The following RFX7 variants were observed in gnomAD, a reference collection of about 807,000 sequenced individuals.
RFX7 encodes the protein DNA-binding protein RFX7.
RFX7 carries 26 observed loss-of-function variants against 111.8 expected under a neutral mutation model. The ratio of observed to expected loss-of-function variants is 0.23; its 90% confidence interval spans 0.17 to 0.32. RFX7 has a LOEUF of 0.32. Among genes scored for constraint, RFX7 ranks in the 10% least tolerant of loss-of-function variants. RFX7 has a pLI of 1.00. For synonymous variants in RFX7, 624 were observed against 624.4 expected (o/e 1.00, Z 0.01); for missense variants, 1,573 against 1,772.9 (o/e 0.89, Z 2.02).
chr15:56,124,320 G>A, intron 5 of RFX7, among the ~76,000 whole-genome samples: 1 of 152,038 alleles, frequency 6.6e-6, no homozygotes, highest in African/African-American at 2.4e-5. Context: ...TACTAGGGAG[G>A]CTGAGGCAGG....
chr15:56,230,514 CA>C (rs1443194618), intron 2 of RFX7, among the ~76,000 whole-genome samples: 2 of 151,952 alleles, frequency 1.3e-5, no homozygotes, highest in Non-Finnish European at 2.9e-5. Flanking sequence ...TTATCAAATA[CA>C]GAAACAATAT....
At chr15:56,154,475 C>T (rs764326734) in intron 3 of RFX7, among the ~76,000 whole-genome samples, 16 of 152,122 alleles carry the variant, frequency 1.1e-4, no homozygotes, top group Non-Finnish European at 1.8e-4. Flanking sequence ...GAAATAACTC[C>T]GCATATCTAC....
intron 5 of RFX7, among the ~76,000 whole-genome samples, chr15:56,137,011 C>A (rs532024691): frequency 6.6e-6 from 1 of 151,800 alleles, no homozygotes; most frequent in Non-Finnish European, 1.5e-5. Context: ...CTGCTGGATT[C>A]GTTTTGCCAG....
chr15:56,225,116 T>C (rs1268731403), intron 2 of RFX7, among the ~76,000 whole-genome samples: 1 of 152,182 alleles, frequency 6.6e-6, no homozygotes, highest in Non-Finnish European at 1.5e-5. Context: ...TTTTTACATT[T>C]GGAACTCAAG....
intron 3 of RFX7, among the ~76,000 whole-genome samples, chr15:56,159,102 T>G (rs767718833): frequency 3.9e-5 from 6 of 152,206 alleles, no homozygotes; most frequent in Non-Finnish European, 5.9e-5. Flanking sequence ...TTATTTGTCT[T>G]TCTGTGCCTG....
intron 3 of RFX7, among the ~76,000 whole-genome samples, chr15:56,162,890 T>C (rs978875098): frequency 1.3e-5 from 2 of 152,132 alleles, no homozygotes; most frequent in African/African-American, 4.8e-5. Flanking sequence ...GAAAAGTGCC[T>C]ATTTCTTCTC....
At chr15:56,100,700 A>G (rs534040247) in intron 8 of RFX7, among the ~76,000 whole-genome samples, 123 of 152,266 alleles carry the variant, frequency 8.1e-4, no homozygotes, top group African/African-American at 2.8e-3. Context: ...CTGAAATAAG[A>G]TATTTTTAAA....
chr15:56,177,700 CAA>C (rs2042917169), intron 3 of RFX7, among the ~76,000 whole-genome samples: 1 of 152,074 alleles, frequency 6.6e-6, no homozygotes, highest in Non-Finnish European at 1.5e-5. Context: ...TCAAGTATTG[CAA>C]AGAGAGTGGG....
chr15:56,127,688 C>A (rs2042162243), intron 5 of RFX7, among the ~76,000 whole-genome samples: 1 of 151,608 alleles, frequency 6.6e-6, no homozygotes, highest in Non-Finnish European at 1.5e-5. Context: ...GCTGGGACTA[C>A]AGGCGCGCGC....
intron 2 of RFX7, among the ~76,000 whole-genome samples, chr15:56,228,019 C>T (rs1391289713): frequency 2.6e-5 from 4 of 152,020 alleles, no homozygotes; most frequent in East Asian, 3.9e-4. Context: ...TCTTCAACAC[C>T]GATATTTCAC....
At chr15:56,132,493 G>C (rs768287494) in intron 5 of RFX7, among the ~76,000 whole-genome samples, 3 of 151,548 alleles carry the variant, frequency 2.0e-5, no homozygotes, top group Non-Finnish European at 4.4e-5. Context: ...TAACCATTTA[G>C]AAAAAATTAA....
At chr15:56,179,216 A>G in intron 3 of RFX7, 54 bp downstream of exon 3, 1 of 820,832 alleles carries the variant, frequency 1.2e-6, no homozygotes, top group East Asian at 6.2e-5. Context: ...TATATTTTAT[A>G]TCGTCATAAA....
intron 8 of RFX7, among the ~76,000 whole-genome samples, chr15:56,101,148 A>T (rs2041746683): frequency 6.6e-6 from 1 of 152,190 alleles, no homozygotes; most frequent in Non-Finnish European, 1.5e-5. Context: ...GCAAAGCAAT[A>T]TATAGAAACA....
chr15:56,108,885 C>A (rs2041866773), intron 5 of RFX7, among the ~76,000 whole-genome samples: 1 of 152,182 alleles, frequency 6.6e-6, no homozygotes, highest in African/African-American at 2.4e-5. Flanking sequence ...AAATCACAAG[C>A]ATTCCTATAC....
chr15:56,203,877 C>T lies in RFX7; in HGVS notation c.162-24574G>A, dbSNP rs574328123. Among the ~76,000 whole-genome samples, 8 of 152,298 alleles carry T rather than the reference C, an allele frequency of 5.3e-5. No homozygotes were observed. The East Asian group carries it at 1.5e-3, about 29-fold the overall frequency. On this transcript the variant is annotated intron_variant, in intron 2 of 9. Transcript: ENST00000559447. Reference sequence around the variant, plus strand: ...AGTCCTCAGGGCGTCTCTGTCTATACAGAAGCTATTATTTCATTCCTTTAC... The same window carrying T: ...AGTCCTCAGGGCGTCTCTGTCTATATAGAAGCTATTATTTCATTCCTTTAC...
chr15:56,124,254 C>T (rs562829614), intron 5 of RFX7, among the ~76,000 whole-genome samples: 7 of 152,136 alleles, frequency 4.6e-5, no homozygotes, highest in Admixed American at 2.0e-4. Context: ...AACCCTGCCT[C>T]TACTAAAAAT....
In RFX7 at chr15:56,145,533, C is replaced by G. The variant is rs2042456419; in HGVS notation, c.196-1050G>C. Among the ~76,000 whole-genome samples the G allele has an allele frequency of 2.0e-5, 3 of 152,194 alleles. No homozygotes were observed. In the South Asian group the frequency reaches 6.2e-4, roughly 32 times the overall value. ...TACATTTTTAAAATCCCATGGCCTA[C>G]AGGTATTTTCCAATTGGCTCTTGCT... On this transcript the variant is annotated intron_variant, in intron 3 of 9. Coordinates refer to ENST00000559447, the MANE Select transcript of RFX7 (RefSeq NM_022841.7).
At chr15:56,227,725 T>C (rs958999417) in intron 2 of RFX7, among the ~76,000 whole-genome samples, 6 of 152,212 alleles carry the variant, frequency 3.9e-5, no homozygotes, top group African/African-American at 1.4e-4. Flanking sequence ...TACAGTGTTA[T>C]TATTTTGAAC....
intron 2 of RFX7, among the ~76,000 whole-genome samples, chr15:56,208,410 G>C (rs2043277653): frequency 6.6e-6 from 1 of 152,134 alleles, no homozygotes; most frequent in Non-Finnish European, 1.5e-5. Context: ...GAGACCTCAA[G>C]ATAACATTAT....
Sources: allele counts gnomAD v4.1 joint callset (sites outside exome capture counted in the v4.1 genomes callset), GRCh38; gene constraint gnomAD v4.1.1; transcripts MANE v1.5; gene names NCBI Gene and HGNC (gene_info 2026-07-23, HGNC 2026-07-21).